DENND1A: variants seen among roughly 807,000 people sequenced by gnomAD.
The protein encoded by DENND1A is DENN domain-containing protein 1A.
A neutral mutation model predicts 113.7 loss-of-function variants in DENND1A; 51 were observed. The ratio of observed to expected loss-of-function variants is 0.45; its 90% CI spans 0.36 to 0.57. The LOEUF is 0.57. DENND1A is among the 20% of genes least tolerant of loss of function. DENND1A has a pLI of 0.00. For missense variants in DENND1A, 1,258 were observed against 1,395.9 expected (o/e 0.90, Z 1.57); for synonymous variants, 565 against 570.8 (o/e 0.99, Z 0.14).
At chr9:123,586,268 G>A (rs1247828851) in intron 11 of DENND1A, among the ~76,000 whole-genome samples, 8 of 152,152 alleles carry the variant, frequency 5.3e-5, no homozygotes, top group Non-Finnish European at 8.8e-5. Flanking sequence ...TGAATGGGAT[G>A]TTGATTCTGG....
intron 3 of DENND1A, among the ~76,000 whole-genome samples, chr9:123,789,843 A>G (rs372153668): frequency 6.6e-6 from 1 of 152,134 alleles, no homozygotes; most frequent in East Asian, 1.9e-4. Flanking sequence ...TTTTACTGTA[A>G]GGTACAAAGA....
chr9:123,500,160 C>T (rs1564607854), intron 13 of DENND1A, among the ~76,000 whole-genome samples: 1 of 152,120 alleles, frequency 6.6e-6, no homozygotes, highest in African/African-American at 2.4e-5. Context: ...CTAAAAGTCA[C>T]TTATTTTTTC....
intron 19 of DENND1A, chr9:123,413,621 C>A (rs114446426): frequency 2.0e-6 from 2 of 985,376 alleles, no homozygotes; most frequent in East Asian, 1.1e-4. Context: ...GGTTCCCTGG[C>A]GGCACATGGA....
Position 123,652,016 on chromosome 9 carries a change from G to A in DENND1A, c.615C>T (p.Ser205=), listed in dbSNP as rs115802143. The A allele has an allele frequency of 6.1e-5, 99 of 1,613,502 alleles. 1 individual carries two copies. In the East Asian group the frequency reaches 2.2e-3, roughly 36 times the overall value. The change falls in exon 9 of 24, where the codon AGC becomes AGT. Residue 205 remains serine, a synonymous_variant. Transcript: ENST00000394215. ...AGTCTTAAGACTGTCTACTCACAGT[G>A]CTGAGTTTGCTGCAAATGATGAGTA... ...RRILIICSKL[S]TLTACIHGSA...
intron 21 of DENND1A, among the ~76,000 whole-genome samples, chr9:123,388,360 G>GTT (rs1347599494): frequency 7.9e-5 from 12 of 152,296 alleles, no homozygotes; most frequent in Admixed American, 7.8e-4. Flanking sequence ...ATGGCTAAAC[G>GTT]TCAATAACAG....
chr9:123,721,859 G>A (rs1449575788), intron 5 of DENND1A, among the ~76,000 whole-genome samples: 4 of 152,150 alleles, frequency 2.6e-5, no homozygotes, highest in Non-Finnish European at 5.9e-5. Flanking sequence ...TTTATCAGCA[G>A]TGTGAAAACA....
intron 18 of DENND1A, among the ~76,000 whole-genome samples, chr9:123,445,006 A>G (rs1348006024): frequency 6.6e-6 from 1 of 152,210 alleles, no homozygotes; most frequent in Non-Finnish European, 1.5e-5. Flanking sequence ...GGGTCCTGCC[A>G]GTTCCCGTCC....
intron 5 of DENND1A, among the ~76,000 whole-genome samples, 187 bp downstream of exon 5, chr9:123,757,516 A>C (rs2070673558): frequency 6.6e-6 from 1 of 152,234 alleles, no homozygotes; most frequent in African/African-American, 2.4e-5. Context: ...AAATAAATAA[A>C]TACAATTATC....
Position 123,619,756 on chromosome 9 carries a change from T to C in DENND1A, c.720-10275A>G, listed in dbSNP as rs1369053461. On this transcript the variant is annotated intron_variant, in intron 10 of 23. Coordinates refer to ENST00000394215, the MANE Select transcript of DENND1A (RefSeq NM_001352964.2). Reference sequence around the variant, plus strand: ...TTTTAAAAGGGTGAATTTTGTGGTATGTGGATTAAATTTCAACTTAAAAAA... The same window carrying C: ...TTTTAAAAGGGTGAATTTTGTGGTACGTGGATTAAATTTCAACTTAAAAAA... 5.3e-5 allele frequency among the ~76,000 whole-genome samples: 8 copies of C among 152,168 alleles called. No homozygotes were observed. In the South Asian group the frequency reaches 1.2e-3, roughly 24 times the overall value.
chr9:123,722,028 G>C (rs1000080163), intron 5 of DENND1A, among the ~76,000 whole-genome samples: 1 of 152,208 alleles, frequency 6.6e-6, no homozygotes. Context: ...GAACTTCCTA[G>C]AGACTTGTTG....
intron 2 of DENND1A, among the ~76,000 whole-genome samples, chr9:123,858,301 A>T (rs2133249024): frequency 6.6e-6 from 1 of 152,336 alleles, no homozygotes; most frequent in Middle Eastern, 3.4e-3. Flanking sequence ...CGAGGTTGAG[A>T]TCAGTAACTT....
intron 2 of DENND1A, among the ~76,000 whole-genome samples, chr9:123,818,563 CACACATATAT>C (rs1424698823): frequency 1.8e-5 from 1 of 56,944 alleles, no homozygotes; most frequent in Admixed American, 2.5e-4. Context: ...CACACACACA[CACACATATAT>C]ATATATATAT....
intron 12 of DENND1A, among the ~76,000 whole-genome samples, chr9:123,576,051 T>C (rs2058619435): frequency 6.6e-6 from 1 of 152,242 alleles, no homozygotes; most frequent in Admixed American, 6.5e-5. Context: ...CCCCACAAAA[T>C]GTTTTGGACC....
intron 5 of DENND1A, among the ~76,000 whole-genome samples, chr9:123,731,841 T>C (rs2068197457): frequency 6.6e-6 from 1 of 152,224 alleles, no homozygotes; most frequent in Non-Finnish European, 1.5e-5. Context: ...AAAAAAGATT[T>C]ATGTCAAGAA....
chr9:123,633,499 G>T (rs1210130433), intron 9 of DENND1A, among the ~76,000 whole-genome samples: 2 of 152,194 alleles, frequency 1.3e-5, no homozygotes, highest in South Asian at 4.1e-4. Context: ...AACAGTTTGG[G>T]TGCGGTGGCT....
At chr9:123,917,019 A>C (rs1472377396) in intron 1 of DENND1A, among the ~76,000 whole-genome samples, 1 of 151,956 alleles carries the variant, frequency 6.6e-6, no homozygotes. Context: ...CCCTGTCTCT[A>C]CTAAAAATAC....
At chr9:123,830,862 A>G (rs1404478444) in intron 2 of DENND1A, among the ~76,000 whole-genome samples, 1 of 118,544 alleles carries the variant, frequency 8.4e-6, no homozygotes, top group Non-Finnish European at 1.6e-5. Context: ...GTGAAATTTC[A>G]TCTCAAAAAT....
At chr9:123,550,462 C>A (rs1031772368) in intron 13 of DENND1A, among the ~76,000 whole-genome samples, 1 of 152,218 alleles carries the variant, frequency 6.6e-6, no homozygotes, top group Non-Finnish European at 1.5e-5. Context: ...TCTTCAAACA[C>A]CAATACCCAT....
intron 11 of DENND1A, among the ~76,000 whole-genome samples, chr9:123,586,407 G>C (rs780673479): frequency 6.6e-6 from 1 of 152,196 alleles, no homozygotes. Flanking sequence ...AGGACTTGCC[G>C]GTTAAGCTCT....
Sources: allele counts gnomAD v4.1 joint callset (sites outside exome capture counted in the v4.1 genomes callset), GRCh38; gene constraint gnomAD v4.1.1; transcripts MANE v1.5; gene names NCBI Gene and HGNC (gene_info 2026-07-23, HGNC 2026-07-21).